Variants in OR2L3 observed in about 807,000 individuals in gnomAD.
OR2L3 encodes olfactory receptor family 2 subfamily L member 3.
For synonymous variants in OR2L3, 131 were observed against 139.1 expected, an observed-to-expected ratio of 0.94 and a Z score of 0.41; for missense variants, 369 against 376.6, an observed-to-expected ratio of 0.98 and a Z score of 0.17.
rs765082608 is a variant in OR2L3 at position 248,060,694 on chromosome 1, A to C, written c.13A>C (p.Asn5His). 2.5e-6 allele frequency: 4 copies of C among 1,612,376 alleles called. No homozygotes were observed. In the Admixed American group the frequency reaches 6.7e-5, roughly 27 times the overall value. MENY[N>H]QTSTDFILLG... ...ACACGAATGCCCCATGGAAAATTAC[A>C]ATCAAACATCAACTGATTTCATCTT... The change falls in exon 2 of 2, where the codon AAT becomes CAT. Residue 5 changes from asparagine (N) to histidine (H), a missense_variant. Physicochemically the swap from Asn to His is moderately conservative, Grantham distance 68. Transcript: ENST00000359959.
intron 1 of OR2L3, among the ~76,000 whole-genome samples, chr1:248,056,568 G>A (rs148676622): frequency 1.8e-3 from 271 of 151,762 alleles, no homozygotes; most frequent in African/African-American, 6.2e-3. Flanking sequence ...GCTTTCTTTG[G>A]TCTTAAAGAA....
chr1:248,056,325 G>A (rs1663433454), intron 1 of OR2L3, among the ~76,000 whole-genome samples: 1 of 151,918 alleles, frequency 6.6e-6, no homozygotes, highest in South Asian at 2.1e-4. Flanking sequence ...TTCATTGTTT[G>A]AAGGGTTTTT....
At position 248,060,861 on chromosome 1, in the gene OR2L3, C is replaced by T; in HGVS notation, c.180C>T (p.Phe60=). ...LDTHLHTPMY[F]LLSQLSLIDL... ...CCCATCTCCACACACCCATGTATTT[C>T]CTACTTAGTCAGCTCTCCCTCATTG... The change falls in exon 2 of 2, where the codon TTC becomes TTT. Residue 60 remains phenylalanine, a synonymous_variant. Transcript: ENST00000359959. The T allele has an allele frequency of 6.2e-7, 1 of 1,613,904 alleles. No homozygotes were observed. Among genetic ancestry groups the T allele is most frequent in the Non-Finnish European group, 8.5e-7 (1 of 1,179,844 alleles).
chr1:248,049,070 T>C (rs1317315700), intron 1 of OR2L3, among the ~76,000 whole-genome samples: 1 of 151,940 alleles, frequency 6.6e-6, no homozygotes, highest in Non-Finnish European at 1.5e-5. Context: ...ATATAGGGAG[T>C]AAAATCTGTG....
intron 1 of OR2L3, among the ~76,000 whole-genome samples, chr1:248,051,936 C>T (rs530834015): frequency 4.1e-4 from 62 of 152,266 alleles, no homozygotes; most frequent in Admixed American, 4.1e-3. Context: ...AACATAACCA[C>T]ATTGTAAATT....
intron 1 of OR2L3, among the ~76,000 whole-genome samples, chr1:248,048,525 T>C (rs938809403): frequency 3.3e-5 from 5 of 152,220 alleles, no homozygotes; most frequent in East Asian, 1.9e-4. Flanking sequence ...GTCATCTGAT[T>C]GACATTCTAG....
chr1:248,061,159 G>C lies in OR2L3; in HGVS notation c.478G>C (p.Val160Leu), dbSNP rs1424762502. The C allele has an allele frequency of 6.2e-7, 1 of 1,613,226 alleles. No homozygotes were observed. Among genetic ancestry groups the C allele is most frequent in the South Asian group, 1.1e-5 (1 of 91,054 alleles). Residue 160 changes from valine to leucine, a missense_variant, in exon 2 of 2, where the codon GTA (valine) becomes CTA (leucine). Transcript: ENST00000359959. ...CTCGATCAATGCTTGTGCTCACACT[G>C]TATATGTACTCCATATTCCTTATTG... Reference protein sequence around the residue: ...IGSINACAHTVYVLHIPYCQS... With the variant: ...IGSINACAHTLYVLHIPYCQS...
rs770537332 is a variant in OR2L3, at chr1:248,061,165, G to A, written c.484G>A (p.Val162Ile). The change falls in exon 2 of 2, where the codon GTA becomes ATA. Residue 162 changes from valine to isoleucine, a missense_variant. By Grantham distance (29) the Val-to-Ile change is conservative. Coordinates refer to ENST00000359959, the MANE Select transcript of OR2L3 (RefSeq NM_001004687.2). Reference protein sequence around the residue: ...SINACAHTVYVLHIPYCQSRA... With the variant: ...SINACAHTVYILHIPYCQSRA... ...CAATGCTTGTGCTCACACTGTATAT[G>A]TACTCCATATTCCTTATTGCCAATC... 4 of 1,613,042 alleles carry A rather than the reference G, an allele frequency of 2.5e-6. No individual in the cohort carries two copies. Among genetic ancestry groups the A allele is most frequent in the Admixed American group, 3.3e-5 (2 of 59,954 alleles).
chr1:248,048,501 A>G (rs1287843589), intron 1 of OR2L3, among the ~76,000 whole-genome samples: 1 of 152,150 alleles, frequency 6.6e-6, no homozygotes, highest in Non-Finnish European at 1.5e-5. Flanking sequence ...ATACTCCAGA[A>G]GACACTCTTT....
At chr1:248,056,930 G>C (rs190105513) in intron 1 of OR2L3, among the ~76,000 whole-genome samples, 2 of 151,636 alleles carry the variant, frequency 1.3e-5, no homozygotes, top group Non-Finnish European at 2.9e-5. Context: ...GATTACAGTC[G>C]TGAGCCACTG....
At chr1:248,056,062 G>T (rs1212041417) in intron 1 of OR2L3, 2 of 152,178 alleles carry the variant, frequency 1.3e-5, no homozygotes, top group East Asian at 1.9e-4. Context: ...TTGCATAGAG[G>T]TGCTTTTAGT....
At chr1:248,055,524 G>A (rs543002636) in intron 1 of OR2L3, among the ~76,000 whole-genome samples, 46 of 152,302 alleles carry the variant, frequency 3.0e-4, no homozygotes, top group African/African-American at 1.0e-3. Context: ...GGAAGGCCAA[G>A]GCAGGTGGAT....
Position 248,061,448 on chromosome 1 carries a change from A to C in OR2L3, c.767A>C (p.Tyr256Ser). Residue 256 changes from tyrosine to serine, a missense_variant, in exon 2 of 2, where the codon TAC becomes TCC. Tyr to Ser is a moderately radical substitution (Grantham distance 144). Transcript: ENST00000359959. ...VVTFYYAPFV[Y>S]TYLRPRSLRS... Reference sequence around the variant, plus strand: ...ACTTTCTACTATGCACCTTTTGTCTACACTTATCTACGTCCAAGATCCCTG... The same window carrying C: ...ACTTTCTACTATGCACCTTTTGTCTCCACTTATCTACGTCCAAGATCCCTG... The C allele has an allele frequency of 6.2e-7, 1 of 1,613,994 alleles. No individual in the cohort carries two copies. Among genetic ancestry groups the C allele is most frequent in the Non-Finnish European group, 8.5e-7 (1 of 1,179,986 alleles).
intron 1 of OR2L3, among the ~76,000 whole-genome samples, chr1:248,052,959 GT>G (rs1443359067): frequency 3.3e-5 from 5 of 151,490 alleles, no homozygotes; most frequent in Non-Finnish European, 7.4e-5. Flanking sequence ...TTTATTGTTT[GT>G]TTTTAAGTTC....
intron 1 of OR2L3, among the ~76,000 whole-genome samples, chr1:248,048,513 G>A (rs1450211642): frequency 6.6e-6 from 1 of 152,104 alleles, no homozygotes; most frequent in African/African-American, 2.4e-5. Context: ...ACACTCTTTT[G>A]TGTCATCTGA....
intron 1 of OR2L3, among the ~76,000 whole-genome samples, chr1:248,049,346 T>C (rs1244533346): frequency 6.6e-6 from 1 of 152,246 alleles, no homozygotes; most frequent in South Asian, 2.1e-4. Flanking sequence ...TGATGCTTTT[T>C]GACTTCAAAA....
In OR2L3 at chr1:248,062,501, G is replaced by A. The variant is rs1663675987; in HGVS notation, c.*881G>A. ...GTTTTGCTTGTTCTCACTCCTATGC[G>A]AGAGCTAGAATTTTTAAAAACTGAA... On this transcript the variant is annotated 3_prime_UTR_variant, in exon 2 of 2. Transcript: ENST00000359959. The A allele has an allele frequency of 6.6e-6, 1 of 152,224 alleles. No individual in the cohort carries two copies. The highest frequency in any genetic ancestry group is 2.1e-4 in the South Asian group (1 of 4,814). The allele number at this position is 152,224 out of a possible 1,614,324, so 9.4% of individuals were successfully genotyped here. A position where few individuals can be genotyped will look rare whatever the true frequency, so the allele number is the denominator to read the frequency against.
chr1:248,047,891 C>G (rs1366480043), intron 1 of OR2L3, among the ~76,000 whole-genome samples: 1 of 152,170 alleles, frequency 6.6e-6, no homozygotes, highest in Non-Finnish European at 1.5e-5. Context: ...TACACAGTCA[C>G]TATGTCACAG....
chr1:248,049,613 G>A (rs974331306), intron 1 of OR2L3, among the ~76,000 whole-genome samples: 2 of 152,138 alleles, frequency 1.3e-5, no homozygotes, highest in Admixed American at 1.3e-4. Flanking sequence ...GTAAAACTGG[G>A]TGATACGAGG....
Sources: gnomAD v4.1 joint callset for allele counts (sites outside exome capture counted in the v4.1 genomes callset) on GRCh38, gnomAD v4.1.1 for gene constraint, MANE v1.5 for transcripts, NCBI Gene and HGNC (gene_info 2026-07-23, HGNC 2026-07-21) for gene names.